The following ASH1L variants were observed in gnomAD, a reference collection of about 807,000 sequenced individuals.
The protein encoded by ASH1L is histone-lysine N-methyltransferase ASH1L.
A neutral mutation model predicts 269.0 loss-of-function variants in ASH1L; 23 were observed. The observed-to-expected ratio is 0.09, with a 90% CI of 0.06 to 0.12. The LOEUF is 0.12. Among genes scored for constraint, ASH1L ranks in the 10% least tolerant of loss-of-function variants. ASH1L has a pLI of 1.00. For synonymous variants in ASH1L, 1,187 were observed against 1,253.5 expected (o/e 0.95, Z 1.12); for missense variants, 2,912 against 3,567.8 (o/e 0.82, Z 4.68).
At chr1:155,352,959 A>T in intron 16 of ASH1L, 101 bp from the exon 17 acceptor site, 1 of 1,152,136 alleles carries the variant, frequency 8.7e-7, no homozygotes. Flanking sequence ...TTTCCCCTGA[A>T]GTGATTAGGT....
At chr1:155,426,480 C>A (rs1661165775) in intron 5 of ASH1L, among the ~76,000 whole-genome samples, 1 of 152,054 alleles carries the variant, frequency 6.6e-6, no homozygotes, top group African/African-American at 2.4e-5. Context: ...GGATTACAGG[C>A]GTGAGACACC....
At chr1:155,445,474 T>G (rs1435935842) in intron 4 of ASH1L, among the ~76,000 whole-genome samples, 1 of 151,928 alleles carries the variant, frequency 6.6e-6, no homozygotes, top group African/African-American at 2.4e-5. Flanking sequence ...GGTGAGCCAC[T>G]ACACCTGGTC....
intron 27 of ASH1L, 135 bp downstream of exon 27, chr1:155,337,953 TA>T: frequency 9.1e-7 from 1 of 1,097,664 alleles, no homozygotes; most frequent in Non-Finnish European, 1.3e-6. Context: ...AAGATACAAC[TA>T]AAAGCAAGCC....
intron 2 of ASH1L, among the ~76,000 whole-genome samples, chr1:155,509,148 G>C (rs974337450): frequency 1.3e-5 from 2 of 152,150 alleles, no homozygotes; most frequent in Non-Finnish European, 2.9e-5. Flanking sequence ...AAGTTAGGAG[G>C]ATGGATTAGT....
At chr1:155,405,249 G>A (rs918358295) in intron 6 of ASH1L, among the ~76,000 whole-genome samples, 2 of 121,542 alleles carry the variant, frequency 1.6e-5, no homozygotes, top group Non-Finnish European at 3.5e-5. Context: ...AGGGGGCTGA[G>A]GGGGGGGCAG....
intron 1 of ASH1L, among the ~76,000 whole-genome samples, chr1:155,534,447 A>G (rs1194761781): frequency 6.6e-6 from 1 of 151,434 alleles, no homozygotes; most frequent in Non-Finnish European, 1.5e-5. Context: ...GGTGGAAAAA[A>G]CTGAAGACTT....
chr1:155,559,659 T>C (rs1006931298), intron 1 of ASH1L, among the ~76,000 whole-genome samples: 2 of 152,114 alleles, frequency 1.3e-5, no homozygotes, highest in Admixed American at 6.6e-5. Flanking sequence ...CTCTTTGCAA[T>C]TGGGTAACAA....
rs949970290 is a variant in ASH1L at position 155,424,978 on chromosome 1, G to GT, written c.5829-9056dup. The stretch of plus-strand genomic sequence containing the variant: ...ACCACCTCACCTGGCTAGTTTTTGT[G>GT]TTTTTTTTTTGAGACAGAGCCTTAC... On this transcript the variant is annotated intron_variant, in intron 5 of 27. Transcript: ENST00000392403. Among the ~76,000 whole-genome samples, 532 of 145,904 alleles carry GT rather than the reference G, an allele frequency of 3.6e-3. 8 individuals carry two copies. In the East Asian group the frequency reaches 0.04, roughly 11 times the overall value.
At position 155,338,104 on chromosome 1, in the gene ASH1L, T is replaced by C. The variant is rs908820138; in HGVS notation, c.8788A>G (p.Ile2930Val). 6.2e-7 allele frequency: 1 copy of C among 1,612,450 alleles called. No homozygotes were observed. Among genetic ancestry groups the C allele is most frequent in the South Asian group, 1.1e-5 (1 of 90,990 alleles). Residue 2930 changes from isoleucine (I) to valine (V), a missense_variant, in exon 27 of 28, where the codon ATC becomes GTC. Physicochemically the swap from Ile to Val is conservative, Grantham distance 29. Transcript: ENST00000392403. ...TTCTTCTTACCATTTTTTCCAGGGA[T>C]TTTTTCAAGGAGATTGAGCAAGATC... ...NQILLNLLEK[I>V]PGKNAIDVTY...
rs142895254 is a variant in ASH1L at position 155,449,928 on chromosome 1, G to A, written c.5086+9869C>T. 1.2e-3 allele frequency among the ~76,000 whole-genome samples: 181 copies of A among 152,232 alleles called. 5 individuals are homozygous for A. The East Asian group carries it at 0.025, about 21-fold the overall frequency. On this transcript the variant is annotated intron_variant, in intron 4 of 27. Transcript: ENST00000392403. ...TATGTTTTCTTTCTATCTGAAGAAC[G>A]TCCTTTAGTGTTTCTGCTACTGTAG...
intron 1 of ASH1L, among the ~76,000 whole-genome samples, chr1:155,550,438 A>G (rs1434305521): frequency 1.3e-5 from 2 of 152,188 alleles, no homozygotes; most frequent in Non-Finnish European, 2.9e-5. Flanking sequence ...ATACCTATCA[A>G]GTCTTTAAGT....
At position 155,336,059 on chromosome 1, in the gene ASH1L, C is replaced by CT. The variant is rs1652286428; in HGVS notation, c.*1600dup. The CT allele has an allele frequency of 2.6e-5, 4 of 152,228 alleles. No individual in the cohort carries two copies. The South Asian group carries it at 6.2e-4, about 24-fold the overall frequency. 9.4% of individuals were successfully genotyped at this position (152,228 alleles called of 1,614,324 possible). On this transcript the variant is annotated 3_prime_UTR_variant, in exon 28 of 28. Transcript: ENST00000392403. ...TACTCCAAACTATTTTCTTAATTCT[C>CT]TTTTTTCTTTAATAAAATATTTATT... is the stretch of plus-strand genomic sequence containing the variant.
At chr1:155,428,442 CAA>C (rs35203262) in intron 5 of ASH1L, among the ~76,000 whole-genome samples, 1 of 145,818 alleles carries the variant, frequency 6.9e-6, no homozygotes. Context: ...AATTCCGTCT[CAA>C]AAAAAAAAAT....
chr1:155,406,512 T>C (rs1182493050), intron 6 of ASH1L, among the ~76,000 whole-genome samples: 1 of 152,150 alleles, frequency 6.6e-6, no homozygotes, highest in Non-Finnish European at 1.5e-5. Flanking sequence ...CGAGACAGCC[T>C]GGGCAACATA....
chr1:155,555,605 C>T (rs1331557085), intron 1 of ASH1L, among the ~76,000 whole-genome samples: 3 of 151,856 alleles, frequency 2.0e-5, no homozygotes, highest in Non-Finnish European at 4.4e-5. Flanking sequence ...TGTAAGAAAC[C>T]CTTTGTTTCT....
At chr1:155,517,198 C>T (rs1484006716) in intron 2 of ASH1L, among the ~76,000 whole-genome samples, 1 of 152,160 alleles carries the variant, frequency 6.6e-6, no homozygotes, top group Non-Finnish European at 1.5e-5. Context: ...CTTCAACTTA[C>T]TACAGGCCAG....
At chr1:155,415,091 A>G (rs1660096295) in intron 6 of ASH1L, among the ~76,000 whole-genome samples, 1 of 152,160 alleles carries the variant, frequency 6.6e-6, no homozygotes, top group African/African-American at 2.4e-5. Context: ...TAATAAGAAA[A>G]GCATCATTAG....
rs563953174 is a variant in ASH1L at position 155,495,773 on chromosome 1, G to A, written c.421-13324C>T. On this transcript the variant is annotated intron_variant, in intron 2 of 27. Transcript: ENST00000392403. ...AGTACTTTGGGAGGCTGAGGCCAGC[G>A]GATCACTTGAGGTCAGGAGTTTGAG... Among the ~76,000 whole-genome samples, 9 of 152,278 alleles carry A rather than the reference G, an allele frequency of 5.9e-5. 1 individual carries two copies. The highest frequency in any genetic ancestry group is 1.3e-4 in the Non-Finnish European group (9 of 68,026).
At chr1:155,442,910 A>C (rs1410434689) in intron 4 of ASH1L, among the ~76,000 whole-genome samples, 3 of 152,156 alleles carry the variant, frequency 2.0e-5, no homozygotes, top group Non-Finnish European at 4.4e-5. Context: ...ATTTCCTGAA[A>C]GGTTATTTAC....
Sources: gnomAD v4.1 joint callset for allele counts (sites outside exome capture counted in the v4.1 genomes callset) on GRCh38, gnomAD v4.1.1 for gene constraint, MANE v1.5 for transcripts, NCBI Gene and HGNC (gene_info 2026-07-23, HGNC 2026-07-21) for gene names.